SND1: variants seen among roughly 807,000 people sequenced by gnomAD.
SND1 encodes the protein staphylococcal nuclease domain-containing protein 1.
A neutral mutation model predicts 121.7 loss-of-function variants in SND1; 38 were observed. That is an observed-to-expected ratio of 0.31 (90% CI 0.24 to 0.41). The LOEUF (loss-of-function observed/expected upper bound fraction) is 0.41. Among genes scored for constraint, SND1 ranks in the 10% least tolerant of loss-of-function variants. The probability of loss-of-function intolerance (pLI) is 1.00; values close to 1 mark genes in which losing one functional copy is unlikely to be tolerated. For synonymous variants in SND1, 401 were observed against 447.4 expected (o/e 0.90, Z 1.31); for missense variants, 868 against 1,184.6 (o/e 0.73, Z 3.92).
chr7:127,968,767 C>T (rs983069755), intron 15 of SND1, among the ~76,000 whole-genome samples: 8 of 152,168 alleles, frequency 5.3e-5, no homozygotes, highest in Admixed American at 3.9e-4. Context: ...CTTGTGCTCT[C>T]CCAAGCATAA....
intron 1 of SND1, among the ~76,000 whole-genome samples, chr7:127,676,134 GT>G (rs1297721960): frequency 8.5e-5 from 13 of 152,182 alleles, no homozygotes; most frequent in Non-Finnish European, 1.8e-4. Context: ...TTATTAGCAA[GT>G]ACACTGGGAA....
chr7:127,880,430 T>C (rs1799768848), intron 12 of SND1, among the ~76,000 whole-genome samples: 1 of 152,152 alleles, frequency 6.6e-6, no homozygotes, highest in African/African-American at 2.4e-5. Context: ...GACTACTGTA[T>C]TATGGATATA....
At chr7:127,882,420 G>GGA (rs1799809950) in intron 12 of SND1, among the ~76,000 whole-genome samples, 1 of 118,540 alleles carries the variant, frequency 8.4e-6, no homozygotes, top group African/African-American at 3.3e-5. Context: ...GGAGAAAAGA[G>GGA]GAGAGGAGGG....
intron 16 of SND1, chr7:127,999,373 T>A (rs1802761726): frequency 7.0e-6 from 1 of 142,658 alleles, no homozygotes; most frequent in Non-Finnish European, 1.5e-5. Context: ...AATTTGTTTT[T>A]CTTAATGTTG....
intron 15 of SND1, 69 bp downstream of exon 15, chr7:127,929,398 C>T (rs563218811): frequency 6.5e-7 from 1 of 1,530,510 alleles, no homozygotes. Flanking sequence ...ACCCTCCTTT[C>T]CCCCTGTGTT....
At chr7:127,704,500 C>T (rs1796156204) in intron 7 of SND1, among the ~76,000 whole-genome samples, 1 of 152,172 alleles carries the variant, frequency 6.6e-6, no homozygotes, top group Non-Finnish European at 1.5e-5. Flanking sequence ...GGTGTAATCT[C>T]TATTAAAGAT....
At chr7:127,954,198 CTG>C (rs772888882) in intron 15 of SND1, among the ~76,000 whole-genome samples, 8 of 152,168 alleles carry the variant, frequency 5.3e-5, no homozygotes, top group Non-Finnish European at 8.8e-5. Flanking sequence ...GGAATGCACA[CTG>C]TGTTCTGGAG....
intron 16 of SND1, among the ~76,000 whole-genome samples, chr7:128,033,610 GGTTCCTTT>G (rs1423791023): frequency 1.3e-5 from 2 of 152,164 alleles, no homozygotes; most frequent in Non-Finnish European, 2.9e-5. Context: ...TCCTGGAAAC[GGTTCCTTT>G]GTAGGCAAGT....
At chr7:128,019,353 T>G (rs1375777422) in intron 16 of SND1, among the ~76,000 whole-genome samples, 1 of 152,232 alleles carries the variant, frequency 6.6e-6, no homozygotes, top group Non-Finnish European at 1.5e-5. Context: ...GTCTCTTGTG[T>G]AATGATAGCA....
chr7:127,744,167 AT>A (rs1796935761), intron 10 of SND1, among the ~76,000 whole-genome samples: 1 of 152,066 alleles, frequency 6.6e-6, no homozygotes, highest in African/African-American at 2.4e-5. Flanking sequence ...ATTAACACTG[AT>A]TTAGGGAAGA....
At chr7:127,755,483 C>G (rs1485605825) in intron 10 of SND1, among the ~76,000 whole-genome samples, 1 of 152,224 alleles carries the variant, frequency 6.6e-6, no homozygotes, top group Non-Finnish European at 1.5e-5. Context: ...CCTTGCCAGC[C>G]AAACTGAGGA....
At chr7:128,080,793 C>G (rs1395927522) in intron 17 of SND1, among the ~76,000 whole-genome samples, 2 of 152,040 alleles carry the variant, frequency 1.3e-5, no homozygotes, top group Non-Finnish European at 2.9e-5. Flanking sequence ...GGGGTAGGAT[C>G]TGGGGCCTGC....
intron 11 of SND1, among the ~76,000 whole-genome samples, chr7:127,828,838 C>T (rs1397866842): frequency 6.6e-6 from 1 of 152,126 alleles, no homozygotes; most frequent in African/African-American, 2.4e-5. Flanking sequence ...CTTTAATAGC[C>T]CAAGAATAAA....
intron 1 of SND1, among the ~76,000 whole-genome samples, chr7:127,682,558 C>G (rs916184241): frequency 2.6e-5 from 4 of 152,166 alleles, no homozygotes; most frequent in Non-Finnish European, 5.9e-5. Flanking sequence ...GATTTCTGTG[C>G]TCTATAAATT....
At chr7:128,064,683 G>A (rs1468617549) in intron 16 of SND1, among the ~76,000 whole-genome samples, 1 of 152,186 alleles carries the variant, frequency 6.6e-6, no homozygotes, top group Non-Finnish European at 1.5e-5. Context: ...ATAATTCAGA[G>A]AGCAGTGGGA....
intron 10 of SND1, among the ~76,000 whole-genome samples, chr7:127,765,273 A>G (rs1276777389): frequency 6.6e-6 from 1 of 152,148 alleles, no homozygotes; most frequent in East Asian, 1.9e-4. Context: ...ACAGTCAACC[A>G]TTGAGCATTT....
intron 11 of SND1, among the ~76,000 whole-genome samples, chr7:127,832,914 C>A (rs1798788819): frequency 6.6e-6 from 1 of 152,170 alleles, no homozygotes. Context: ...GGATCTAGGT[C>A]TCATGCTCTT....
rs753936372 is a variant in SND1, at chr7:127,703,332, G to A, written c.840+9G>A. ...GTACCATCCTTCATCCAGTGAGTGT[G>A]TCTGTGCAGACTGGGTGGTGATGGG... On this transcript the variant is annotated intron_variant, in intron 7 of 23. Coordinates refer to ENST00000354725, the MANE Select transcript of SND1 (RefSeq NM_014390.4). The A allele has an allele frequency of 1.2e-6, 2 of 1,614,002 alleles. No individual in the cohort carries two copies. The highest frequency in any genetic ancestry group is 4.5e-5 in the East Asian group (2 of 44,876).
At chr7:128,077,404 T>A (rs1177925290) in intron 17 of SND1, among the ~76,000 whole-genome samples, 2 of 152,210 alleles carry the variant, frequency 1.3e-5, no homozygotes, top group Non-Finnish European at 2.9e-5. Flanking sequence ...TGATGGGCTC[T>A]TTCCCTCAGG....
Sources: gnomAD v4.1 joint callset for allele counts (sites outside exome capture counted in the v4.1 genomes callset) on GRCh38, gnomAD v4.1.1 for gene constraint, MANE v1.5 for transcripts, NCBI Gene and HGNC (gene_info 2026-07-23, HGNC 2026-07-21) for gene names.